Variants in ZFAND3 observed in about 807,000 individuals in gnomAD.
ZFAND3 encodes AN1-type zinc finger protein 3.
Under a neutral mutation model 29.6 loss-of-function variants are expected in ZFAND3, and 10 were observed. That is an observed-to-expected ratio of 0.34 (90% CI 0.21 to 0.57). ZFAND3 has a LOEUF of 0.57. ZFAND3 is among the 20% of genes least tolerant of loss of function. The pLI is 0.86. For synonymous variants in ZFAND3, 128 were observed against 112.6 expected (o/e 1.14, Z -0.87); for missense variants, 230 against 304.5 (o/e 0.76, Z 1.82).
chr6:37,952,950 A>C (rs1291117747), intron 2 of ZFAND3, among the ~76,000 whole-genome samples: 2 of 150,356 alleles, frequency 1.3e-5, no homozygotes, highest in African/African-American at 4.9e-5. Flanking sequence ...CTAGTTGCCC[A>C]TCTTGGCTCT....
At chr6:37,909,568 A>G (rs1765482993) in intron 1 of ZFAND3, among the ~76,000 whole-genome samples, 1 of 150,456 alleles carries the variant, frequency 6.6e-6, no homozygotes, top group Admixed American at 6.6e-5. Flanking sequence ...GGCAGGAGCC[A>G]CTGCGCTCAG....
At chr6:37,856,954 T>A (rs1050762822) in intron 1 of ZFAND3, among the ~76,000 whole-genome samples, 5 of 152,150 alleles carry the variant, frequency 3.3e-5, no homozygotes, top group African/African-American at 1.2e-4. Flanking sequence ...CTTGACCTTT[T>A]TTTTTTTGAG....
chr6:37,943,029 A>G (rs1761838706), intron 2 of ZFAND3, among the ~76,000 whole-genome samples: 1 of 152,198 alleles, frequency 6.6e-6, no homozygotes, highest in South Asian at 2.1e-4. Context: ...CAAACAAGAG[A>G]GAACAAAAGG....
intron 2 of ZFAND3, among the ~76,000 whole-genome samples, chr6:38,030,682 A>G (rs920870321): frequency 3.9e-5 from 6 of 152,188 alleles, no homozygotes; most frequent in African/African-American, 1.4e-4. Flanking sequence ...AGCACAAGGA[A>G]AATACCCTGC....
chr6:37,890,981 T>C (rs1765086021), intron 1 of ZFAND3, among the ~76,000 whole-genome samples: 1 of 152,210 alleles, frequency 6.6e-6, no homozygotes, highest in South Asian at 2.1e-4. Flanking sequence ...GAAACAACTT[T>C]ATCGAAACTC....
intron 1 of ZFAND3, among the ~76,000 whole-genome samples, chr6:37,917,155 C>G (rs1216381200): frequency 1.3e-5 from 2 of 152,160 alleles, no homozygotes; most frequent in Non-Finnish European, 2.9e-5. Flanking sequence ...ATATAGAGTT[C>G]AGTACTATCC....
At position 37,930,916 on chromosome 6, in the gene ZFAND3, G is replaced by A. The variant is rs375902455; in HGVS notation, c.112+917G>A. ...CTTTTGCAATAGGGAAGAGAGTCCA[G>A]TATGAAATGAAGTCAATGTTGATTT... On this transcript the variant is annotated intron_variant, in intron 2 of 5. Coordinates refer to ENST00000287218, the MANE Select transcript of ZFAND3 (RefSeq NM_021943.3). Among the ~76,000 whole-genome samples the A allele has an allele frequency of 8.5e-5, 13 of 152,288 alleles. No individual in the cohort carries two copies. The East Asian group carries it at 2.5e-3, about 29-fold the overall frequency.
At chr6:37,895,459 C>CTTTT (rs11331881) in intron 1 of ZFAND3, among the ~76,000 whole-genome samples, 2,297 of 76,118 alleles carry the variant, frequency 0.03, no homozygotes, top group East Asian at 0.049. Context: ...CTCAGAGGTT[C>CTTTT]TTTTTTTTTT....
intron 1 of ZFAND3, among the ~76,000 whole-genome samples, chr6:37,839,522 GT>G (rs71542140): frequency 0.21 from 28,395 of 132,912 alleles, 2,911 homozygotes; most frequent in African/African-American, 0.26. Flanking sequence ...TTGTTGTTTT[GT>G]TTTTTTTTTT....
chr6:38,068,957 A>G (rs1379291159), intron 3 of ZFAND3, among the ~76,000 whole-genome samples: 1 of 152,166 alleles, frequency 6.6e-6, no homozygotes, highest in Non-Finnish European at 1.5e-5. Flanking sequence ...GGGATATTTA[A>G]AAAATGGTAG....
intron 1 of ZFAND3, among the ~76,000 whole-genome samples, chr6:37,891,720 T>G (rs566913169): frequency 1.3e-5 from 2 of 152,286 alleles, no homozygotes; most frequent in East Asian, 3.9e-4. Context: ...AACAACAAAG[T>G]ATACATTATT....
rs1252950965 is a variant in ZFAND3 at position 38,152,963 on chromosome 6, G to A, written c.*574G>A. On this transcript the variant is annotated 3_prime_UTR_variant, in exon 6 of 6. Coordinates refer to ENST00000287218, the MANE Select transcript of ZFAND3 (RefSeq NM_021943.3). The stretch of plus-strand genomic sequence containing the variant: ...CCACAGAGCTGGAAATGGGGGGTGG[G>A]GGACAGATTCTTACGGAAATTTTTT... 3 of 985,764 alleles carry A rather than the reference G, an allele frequency of 3.0e-6. No homozygotes were observed. Among genetic ancestry groups the A allele is most frequent in the African/African-American group, 1.7e-5 (1 of 57,246 alleles). 61.1% of individuals were successfully genotyped at this position (985,764 alleles called of 1,614,324 possible).
At chr6:37,924,213 A>C (rs1761438746) in intron 1 of ZFAND3, among the ~76,000 whole-genome samples, 1 of 152,184 alleles carries the variant, frequency 6.6e-6, no homozygotes. Flanking sequence ...ACAGAGCTCC[A>C]GAAAGATGAC....
chr6:38,006,011 G>A (rs1487186899), intron 2 of ZFAND3, among the ~76,000 whole-genome samples: 1 of 152,154 alleles, frequency 6.6e-6, no homozygotes, highest in Non-Finnish European at 1.5e-5. Flanking sequence ...CACAGATGAA[G>A]ATAGAGCCAG....
At chr6:38,091,601 G>C (rs561186891) in intron 4 of ZFAND3, among the ~76,000 whole-genome samples, 1 of 147,404 alleles carries the variant, frequency 6.8e-6, no homozygotes, top group Non-Finnish European at 1.5e-5. Context: ...CCTTCCCAAA[G>C]CAGTCTTACC....
chr6:38,061,522 A>C, intron 2 of ZFAND3, 71 bp from the exon 3 acceptor site: 9 of 1,564,830 alleles, frequency 5.8e-6, no homozygotes, highest in Non-Finnish European at 7.8e-6. Flanking sequence ...TTTTTGTACC[A>C]ACTTCCATTG....
At chr6:38,013,584 T>A (rs764251107) in intron 2 of ZFAND3, among the ~76,000 whole-genome samples, 6 of 152,220 alleles carry the variant, frequency 3.9e-5, no homozygotes, top group Non-Finnish European at 8.8e-5. Context: ...CAGTTTGTGA[T>A]GTAATGGTAT....
chr6:38,043,984 A>C (rs900221673), intron 2 of ZFAND3, among the ~76,000 whole-genome samples: 3 of 152,108 alleles, frequency 2.0e-5, no homozygotes, highest in Non-Finnish European at 2.9e-5. Context: ...ACAGAATTAC[A>C]TGAGTATATT....
chr6:37,972,537 A>T (rs905573788), intron 2 of ZFAND3, among the ~76,000 whole-genome samples: 3 of 152,234 alleles, frequency 2.0e-5, no homozygotes, highest in African/African-American at 7.2e-5. Flanking sequence ...GTAAAGAGTT[A>T]GGACTTACCA....
Sources: gnomAD v4.1 joint callset for allele counts (sites outside exome capture counted in the v4.1 genomes callset) on GRCh38, gnomAD v4.1.1 for gene constraint, MANE v1.5 for transcripts, NCBI Gene and HGNC (gene_info 2026-07-23, HGNC 2026-07-21) for gene names.